USP13: variants seen among roughly 807,000 people sequenced by gnomAD.
The protein encoded by USP13 is ubiquitin specific peptidase 13, also known as ubiquitin carboxyl-terminal hydrolase 13.
Under a neutral mutation model 107.8 loss-of-function variants are expected in USP13, and 68 were observed. That is an observed-to-expected ratio of 0.63 (90% confidence interval 0.52 to 0.77). The LOEUF (loss-of-function observed/expected upper bound fraction) is 0.77. Among genes scored for constraint, USP13 ranks in the 30% least tolerant of loss-of-function variants. The probability of loss-of-function intolerance (pLI) is 0.00; values close to 1 mark genes in which losing one functional copy is unlikely to be tolerated. For missense variants in USP13, 945 were observed against 1,093.3 expected, an observed-to-expected ratio of 0.86 and a Z score of 1.91; for synonymous variants, 377 against 389.5, an observed-to-expected ratio of 0.97 and a Z score of 0.38.
intron 19 of USP13, among the ~76,000 whole-genome samples, chr3:179,770,159 G>T (rs1163731848): frequency 6.6e-6 from 1 of 152,108 alleles, no homozygotes; most frequent in African/African-American, 2.4e-5. Context: ...TATTGAGGTT[G>T]TCAGCTTTCT....
chr3:179,737,918 A>T (rs929978374), intron 10 of USP13, among the ~76,000 whole-genome samples: 3 of 152,262 alleles, frequency 2.0e-5, no homozygotes, highest in Non-Finnish European at 4.4e-5. Flanking sequence ...GTTTTCAGCA[A>T]GACAGGGAAA....
intron 19 of USP13, among the ~76,000 whole-genome samples, chr3:179,771,480 C>G (rs1050274690): frequency 3.0e-4 from 46 of 152,226 alleles, no homozygotes; most frequent in African/African-American, 1.1e-3. Context: ...CTAATAGAAT[C>G]ACCTGAGAAC....
In USP13 at chr3:179,721,101, G is replaced by A. The variant is rs978352273; in HGVS notation, c.901-301G>A. 2.0e-5 allele frequency among the ~76,000 whole-genome samples: 3 copies of A among 152,056 alleles called. No individual in the cohort carries two copies. The highest frequency in any genetic ancestry group is 4.4e-5 in the Non-Finnish European group (3 of 68,014). The stretch of plus-strand genomic sequence containing the variant: ...TGGGATTACAGGTGTGAACCGCTGC[G>A]CCCGGCCTCTCTTTAAAATCTTTTT... On this transcript the variant is annotated intron_variant, in intron 7 of 20. Coordinates refer to ENST00000263966, the MANE Select transcript of USP13 (RefSeq NM_003940.3). This position sits in a 1 kb window ranked among gnomAD's most constrained non-coding sequence, Gnocchi z 4.3.
At chr3:179,732,408 C>T (rs886844013) in intron 10 of USP13, among the ~76,000 whole-genome samples, 2 of 152,188 alleles carry the variant, frequency 1.3e-5, no homozygotes, top group East Asian at 1.9e-4. Flanking sequence ...TCTTCTGGGG[C>T]AGGGTCCATG....
At chr3:179,680,755 C>T (rs1471396407) in intron 1 of USP13, among the ~76,000 whole-genome samples, 5 of 152,220 alleles carry the variant, frequency 3.3e-5, no homozygotes, top group African/African-American at 9.6e-5. Context: ...GTTGGCCAGG[C>T]TGTTCTTGAA....
chr3:179,677,042 G>A (rs986359697), intron 1 of USP13, among the ~76,000 whole-genome samples: 1 of 151,912 alleles, frequency 6.6e-6, no homozygotes, highest in Non-Finnish European at 1.5e-5. Context: ...ATTTTTAGTA[G>A]AGACTGGATT....
intron 5 of USP13, among the ~76,000 whole-genome samples, chr3:179,708,349 C>A (rs899231661): frequency 1.3e-5 from 2 of 151,438 alleles, no homozygotes; most frequent in Non-Finnish European, 2.9e-5. Context: ...CTCTGTCACC[C>A]AGGCTGGAGT....
chr3:179,681,737 G>C (rs1711660709), intron 1 of USP13, 141 bp from the exon 2 acceptor site: 2 of 1,055,042 alleles, frequency 1.9e-6, no homozygotes, highest in Admixed American at 4.7e-5. Context: ...GTTAAAACAA[G>C]GTAGGGTATC....
rs1369542432 is a variant in USP13, at chr3:179,740,324, G to C, written c.1332G>C (p.Arg444Ser). The C allele has an allele frequency of 1.9e-6, 3 of 1,613,972 alleles. No individual in the cohort carries two copies. The highest frequency in any genetic ancestry group is 2.7e-5 in the African/African-American group (2 of 74,896). ...GCCACCCGGAATTCTCCTCTAACAG[G>C]CAGCAAGATGCCCAGGAATTCTTCT... is the stretch of plus-strand genomic sequence containing the variant. ...SKSHPEFSSN[R>S]QQDAQEFFLH... is the part of the protein sequence containing the mutation. The change falls in exon 11 of 21, where the codon AGG (arginine) becomes AGC (serine). Residue 444 changes from arginine to serine, a missense_variant. Transcript: ENST00000263966.
At chr3:179,763,878 G>C in intron 17 of USP13, 124 bp from the exon 18 acceptor site, 1 of 1,298,962 alleles carries the variant, frequency 7.7e-7, no homozygotes, top group Non-Finnish European at 1.0e-6. Context: ...GAGCCACTGC[G>C]CCTGGCCCAG....
intron 6 of USP13, 27 bp downstream of exon 6, chr3:179,708,984 A>G (rs1712827718): frequency 6.2e-7 from 1 of 1,606,744 alleles, no homozygotes; most frequent in African/African-American, 1.3e-5. Flanking sequence ...CGACTTTGGG[A>G]ACATGCAGTG....
At chr3:179,764,874 G>A (rs946464927) in intron 18 of USP13, among the ~76,000 whole-genome samples, 2 of 152,308 alleles carry the variant, frequency 1.3e-5, no homozygotes, top group East Asian at 1.9e-4. Flanking sequence ...GCTAGGATCC[G>A]TTGCTGAGGT....
At chr3:179,687,528 G>A (rs931969363) in intron 2 of USP13, among the ~76,000 whole-genome samples, 3 of 151,362 alleles carry the variant, frequency 2.0e-5, no homozygotes, top group East Asian at 1.9e-4. Flanking sequence ...GCATGGTGGC[G>A]CATGCCTGTA....
In USP13 at chr3:179,759,885, G is replaced by T. The variant is rs574219765; in HGVS notation, c.1949-1227G>T. ...GATGGGGTTTCACCATGTTGGCCAGGATGGTCTCCATCTCTTGACCTTGTG... is the reference window on the plus strand; with the variant it reads ...GATGGGGTTTCACCATGTTGGCCAGTATGGTCTCCATCTCTTGACCTTGTG... On this transcript the variant is annotated intron_variant, in intron 16 of 20. Transcript: ENST00000263966. Among the ~76,000 whole-genome samples the T allele has an allele frequency of 3.9e-4, 59 of 152,302 alleles. 2 individuals carry two copies. In the South Asian group the frequency reaches 0.012, roughly 32 times the overall value.
intron 1 of USP13, among the ~76,000 whole-genome samples, chr3:179,669,679 T>C (rs1720689747): frequency 6.6e-6 from 1 of 152,184 alleles, no homozygotes; most frequent in South Asian, 2.1e-4. Context: ...TAGCCATCTT[T>C]GGCTGTTGAG....
At chr3:179,726,449 G>A (rs958327282) in intron 8 of USP13, among the ~76,000 whole-genome samples, 1 of 152,224 alleles carries the variant, frequency 6.6e-6, no homozygotes, top group African/African-American at 2.4e-5. Context: ...ACACAAAGTA[G>A]AGGGTGTGAA....
intron 10 of USP13, among the ~76,000 whole-genome samples, chr3:179,733,137 G>A (rs1434201004): frequency 1.3e-5 from 2 of 152,058 alleles, no homozygotes; most frequent in Admixed American, 1.3e-4. Flanking sequence ...TGGGACTCTG[G>A]GTATTTGGAT....
chr3:179,745,304 T>C (rs1714363450), intron 13 of USP13, 87 bp downstream of exon 13: 2 of 1,481,100 alleles, frequency 1.4e-6, no homozygotes, highest in South Asian at 1.3e-5. Context: ...GTGGGTGTTA[T>C]TTGTGTCTGT....
intron 19 of USP13, among the ~76,000 whole-genome samples, chr3:179,775,825 G>T (rs111868144): frequency 0.046 from 7,040 of 152,228 alleles, 530 homozygotes; most frequent in African/African-American, 0.16. Context: ...AGCATTGTGC[G>T]CAGCCCCGGT....
Sources: allele counts gnomAD v4.1 joint callset (sites outside exome capture counted in the v4.1 genomes callset), GRCh38; gene constraint gnomAD v4.1.1; non-coding constraint Gnocchi (gnomAD v3.1); transcripts MANE v1.5; gene names NCBI Gene and HGNC (gene_info 2026-07-23, HGNC 2026-07-21).